Variants in TOGARAM2 observed in about 807,000 individuals in gnomAD.
TOGARAM2 encodes TOG array regulator of axonemal microtubules protein 2.
A neutral mutation model predicts 93.3 loss-of-function variants in TOGARAM2; 85 were observed. That is an observed-to-expected ratio of 0.91 (90% CI 0.76 to 1.09). TOGARAM2 has a LOEUF of 1.09. Ranked by LOEUF, TOGARAM2 falls within the 50% of genes least tolerant of loss-of-function variation. TOGARAM2 has a pLI of 0.00. For missense variants in TOGARAM2, 1,277 were observed against 1,334.5 expected, an observed-to-expected ratio of 0.96 and a Z score of 0.67; for synonymous variants, 593 against 552.8, an observed-to-expected ratio of 1.07 and a Z score of -1.02.
intron 6 of TOGARAM2, among the ~76,000 whole-genome samples, chr2:29,010,057 T>TTG (rs1664137438): frequency 5.4e-5 from 6 of 111,196 alleles, no homozygotes; most frequent in African/African-American, 2.0e-4. Context: ...GTGTGTGTGT[T>TTG]GGGGGGGCGC....
At chr2:29,024,660 C>A (rs1665225288) in intron 13 of TOGARAM2, among the ~76,000 whole-genome samples, 1 of 152,196 alleles carries the variant, frequency 6.6e-6, no homozygotes, top group Non-Finnish European at 1.5e-5. Flanking sequence ...CTCTCCCAAC[C>A]TTTCATCGGC....
At chr2:29,010,782 C>A (rs1162349373) in intron 6 of TOGARAM2, among the ~76,000 whole-genome samples, 1 of 152,108 alleles carries the variant, frequency 6.6e-6, no homozygotes, top group Non-Finnish European at 1.5e-5. Flanking sequence ...TAGAATAGTG[C>A]TTGACACATA....
Position 29,051,743 on chromosome 2 carries a change from T to C in TOGARAM2, c.2723-13T>C, listed in dbSNP as rs932392496. The C allele has an allele frequency of 6.8e-7, 1 of 1,471,580 alleles. No individual in the cohort carries two copies. The highest frequency in any genetic ancestry group is 1.4e-5 in the African/African-American group (1 of 71,108). The allele number at this position is 1,471,580 out of a possible 1,614,324, so 91.2% of individuals were successfully genotyped here. A position where few individuals can be genotyped will look rare whatever the true frequency, so the allele number is the denominator to read the frequency against. On this transcript the variant is annotated splice_polypyrimidine_tract_variant and intron_variant, in intron 19 of 19. Coordinates refer to ENST00000379558, the MANE Select transcript of TOGARAM2 (RefSeq NM_199280.4). ...GTGCCTGGCTCAAGTGACTCTCCTT[T>C]TCTGCCTGACAGTGCTGGTGGCCTC...
At chr2:28,999,637 G>A (rs1056516047) in intron 4 of TOGARAM2, among the ~76,000 whole-genome samples, 169 bp downstream of exon 4, 1 of 152,170 alleles carries the variant, frequency 6.6e-6, no homozygotes, top group African/African-American at 2.4e-5. Flanking sequence ...CGACCTCCTT[G>A]GAGCTGAGCC....
At chr2:28,977,453 G>A (rs1672054088), upstream of TOGARAM2, among the ~76,000 whole-genome samples, 1 of 152,152 alleles carries the variant, frequency 6.6e-6, no homozygotes, top group Admixed American at 6.5e-5. Flanking sequence ...CCAGCCCAGG[G>A]GGTCAGAACT....
chr2:29,022,389 C>T, intron 11 of TOGARAM2, 81 bp downstream of exon 11: 1 of 1,545,866 alleles, frequency 6.5e-7, no homozygotes, highest in South Asian at 1.2e-5. Context: ...CCTCAACTTC[C>T]CTCCTCTCCC....
At chr2:28,991,948 C>T (rs984197359) in intron 1 of TOGARAM2, among the ~76,000 whole-genome samples, 1 of 152,148 alleles carries the variant, frequency 6.6e-6, no homozygotes, top group African/African-American at 2.4e-5. Flanking sequence ...GCCAGCCAGG[C>T]AGAGCAATTC....
At chr2:29,022,015 G>C in intron 10 of TOGARAM2, 143 bp from the exon 11 acceptor site, 1 of 1,057,118 alleles carries the variant, frequency 9.5e-7, no homozygotes, top group East Asian at 2.4e-5. Context: ...GCCTCACCAG[G>C]CACTTCCACT....
intron 1 of TOGARAM2, chr2:28,972,507 C>T (rs781167974): frequency 9.2e-5 from 14 of 152,216 alleles, no homozygotes; most frequent in Non-Finnish European, 1.8e-4. Flanking sequence ...TAACTCATCA[C>T]CTTCAGACGC....
intron 17 of TOGARAM2, 48 bp from the exon 18 acceptor site, chr2:29,036,492 CT>C: frequency 6.3e-7 from 1 of 1,598,400 alleles, no homozygotes; most frequent in Non-Finnish European, 8.6e-7. Flanking sequence ...TGTGGGAGTC[CT>C]GCCCAGCCTG....
upstream of TOGARAM2, among the ~76,000 whole-genome samples, chr2:28,977,284 G>C (rs933273687): frequency 5.9e-5 from 9 of 152,160 alleles, no homozygotes; most frequent in African/African-American, 2.2e-4. Context: ...TAGCCTGGGG[G>C]CACCTTATCC....
chr2:28,998,531 G>A (rs1431782571), intron 3 of TOGARAM2, among the ~76,000 whole-genome samples: 1 of 152,166 alleles, frequency 6.6e-6, no homozygotes, highest in African/African-American at 2.4e-5. Context: ...GTTGGCAATG[G>A]GGAGGGGGCC....
At chr2:28,975,339 C>G (rs912663167) in intron 1 of TOGARAM2, among the ~76,000 whole-genome samples, 4 of 151,978 alleles carry the variant, frequency 2.6e-5, no homozygotes, top group Non-Finnish European at 5.9e-5. Flanking sequence ...CAGGTGCCCG[C>G]CACCACGCCC....
intron 14 of TOGARAM2, among the ~76,000 whole-genome samples, chr2:29,030,546 C>A (rs1441444513): frequency 1.3e-5 from 2 of 152,168 alleles, no homozygotes; most frequent in Non-Finnish European, 2.9e-5. Flanking sequence ...TCTAAAGTCT[C>A]TCCAGATCTG....
At chr2:28,997,405 TC>T (rs1450610584) in intron 2 of TOGARAM2, among the ~76,000 whole-genome samples, 1 of 152,170 alleles carries the variant, frequency 6.6e-6, no homozygotes, top group Non-Finnish European at 1.5e-5. Flanking sequence ...GCTTTTTCTG[TC>T]CCCATCTCTG....
intron 19 of TOGARAM2, chr2:29,050,238 G>A (rs539650307): frequency 6.6e-6 from 1 of 152,264 alleles, no homozygotes; most frequent in East Asian, 1.9e-4. Flanking sequence ...CATGCCTGTG[G>A]TCCCAGCTAC....
chr2:29,039,894 C>T (rs1435975653), intron 18 of TOGARAM2, among the ~76,000 whole-genome samples: 3 of 152,202 alleles, frequency 2.0e-5, no homozygotes, highest in East Asian at 1.9e-4. Context: ...GCTGACAGCT[C>T]ATCCCCTCCC....
chr2:29,018,231 C>T (rs72788140), intron 10 of TOGARAM2: 27,591 of 422,836 alleles, frequency 0.065, 1,011 homozygotes, highest in African/African-American at 0.098. Flanking sequence ...GACCAGTGCA[C>T]GAGGGCCAAA....
rs771768473 is a variant in TOGARAM2 at position 28,999,383 on chromosome 2, C to T, written c.342C>T (p.Ala114=). 1.2e-6 allele frequency: 2 copies of T among 1,613,470 alleles called. No individual in the cohort carries two copies. The highest frequency in any genetic ancestry group is 1.7e-6 in the Non-Finnish European group (2 of 1,179,688). ...LVLLPSPESE[A]NSVARDTIQI... is the part of the protein sequence containing the mutation. ...TCCTCCCTTCTCCGGAGTCAGAGGC[C>T]AACAGCGTGGCCAGGGACACCATCC... The change falls in exon 4 of 20, where the codon GCC becomes GCT. Residue 114 remains alanine, a synonymous_variant. Coordinates refer to ENST00000379558, the MANE Select transcript of TOGARAM2 (RefSeq NM_199280.4).
Sources: gnomAD v4.1 joint callset for allele counts (sites outside exome capture counted in the v4.1 genomes callset) on GRCh38, gnomAD v4.1.1 for gene constraint, MANE v1.5 for transcripts, NCBI Gene and HGNC (gene_info 2026-07-23, HGNC 2026-07-21) for gene names.